Variants in SLC22A7 observed in about 807,000 individuals in gnomAD.
The protein encoded by SLC22A7 is solute carrier family 22 member 7, also known as hOAT2.
In SLC22A7, 48 loss-of-function variants were observed where a neutral mutation model predicts 62.2. That is an observed-to-expected ratio of 0.77 (90% CI 0.61 to 0.98). The LOEUF is 0.98. Ranked by LOEUF, SLC22A7 falls within the 50% of genes least tolerant of loss-of-function variation. The probability of loss-of-function intolerance (pLI) is 0.00; values close to 1 mark genes in which losing one functional copy is unlikely to be tolerated. For synonymous variants in SLC22A7, 276 were observed against 314.8 expected, an observed-to-expected ratio of 0.88 and a Z score of 1.30; for missense variants, 581 against 703.8, an observed-to-expected ratio of 0.83 and a Z score of 1.97.
chr6:43,297,748 C>T (rs888699506), upstream of SLC22A7, among the ~76,000 whole-genome samples: 1 of 152,142 alleles, frequency 6.6e-6, no homozygotes, highest in African/African-American at 2.4e-5. Context: ...ATCAAGTTGC[C>T]CGGTGTGATC....
chr6:43,302,509 T>TC lies in SLC22A7; in HGVS notation c.1276+97dup. 2 of 1,251,720 alleles carry TC rather than the reference T, an allele frequency of 1.6e-6. No homozygotes were observed. Among genetic ancestry groups the TC allele is most frequent in the South Asian group, 2.9e-5 (2 of 68,706 alleles). The allele number at this position is 1,251,720 out of a possible 1,614,324, so 77.5% of individuals were successfully genotyped here. A position where few individuals can be genotyped will look rare whatever the true frequency, so the allele number is the denominator to read the frequency against. On this transcript the variant is annotated intron_variant, in intron 8 of 10. Coordinates refer to ENST00000372585, the MANE Select transcript of SLC22A7 (RefSeq NM_153320.2). The surrounding 1 kb of genome is among the most constrained non-coding windows in gnomAD (Gnocchi z 5.0). ...CCCCACCTCCTGGCCAAGAACCCAC[T>TC]CCTCCCCCAGATCCCTGCTCTTACC...
upstream of SLC22A7, among the ~76,000 whole-genome samples, chr6:43,296,133 G>A (rs1778560675): frequency 6.6e-6 from 1 of 152,208 alleles, no homozygotes. Flanking sequence ...TCAAACTCCT[G>A]ACCTCAGGTG....
chr6:43,302,832 C>A lies in SLC22A7; in HGVS notation c.1385+69C>A. The A allele has an allele frequency of 1.0e-6, 1 of 985,830 alleles. No individual in the cohort carries two copies. Among genetic ancestry groups the A allele is most frequent in the Non-Finnish European group, 1.6e-6 (1 of 638,498 alleles). 61.1% of individuals were successfully genotyped at this position (985,830 alleles called of 1,614,324 possible). ...TCACGTGTCTTAACCAACACTTCTA[C>A]ATACACGCACCACAACCTGGTCTCT... On this transcript the variant is annotated intron_variant, in intron 9 of 10. Transcript: ENST00000372585. The surrounding 1 kb of genome is among the most constrained non-coding windows in gnomAD (Gnocchi z 5.0).
chr6:43,298,074 G>T (rs1162195216), upstream of SLC22A7: 1 of 384,244 alleles, frequency 2.6e-6, no homozygotes, highest in Non-Finnish European at 4.6e-6. Context: ...GGTAGCCTTG[G>T]TCCCTGAACA....
At chr6:43,304,010 G>C (rs201027755) in intron 9 of SLC22A7, 28 bp from the exon 10 acceptor site, 2 of 1,479,164 alleles carry the variant, frequency 1.4e-6, no homozygotes, top group Non-Finnish European at 1.8e-6. Context: ...AACACCATCT[G>C]CCTCCCTCAT....
chr6:43,303,067 C>G, intron 9 of SLC22A7: 1 of 943,578 alleles, frequency 1.1e-6, no homozygotes, highest in Non-Finnish European at 1.3e-6. Context: ...TAATCAGGGC[C>G]CTCTGTGTTT....
In SLC22A7 at chr6:43,299,424, G is replaced by C; in HGVS notation, c.434G>C (p.Arg145Thr). The C allele has an allele frequency of 6.2e-7, 1 of 1,614,176 alleles. No individual in the cohort carries two copies. Among genetic ancestry groups the C allele is most frequent in the Non-Finnish European group, 8.5e-7 (1 of 1,180,028 alleles). Residue 145 changes from arginine to threonine, a missense_variant, in exon 3 of 11, where the codon AGA becomes ACA. Transcript: ENST00000372585. The surrounding 1 kb of genome is among the most constrained non-coding windows in gnomAD (Gnocchi z 4.4). Reference protein sequence around the residue: ...DLVCEQKGLNRAASTFFFAGV... With the variant: ...DLVCEQKGLNTAASTFFFAGV... ...GTGTGTGAGCAGAAAGGTCTGAACA[G>C]AGCTGCGTCCACTTTCTTCTTCGCC... is the stretch of plus-strand genomic sequence containing the variant.
At position 43,299,989 on chromosome 6, in the gene SLC22A7, T is replaced by G. The variant is rs1216305649; in HGVS notation, c.750T>G (p.Val250=). ...WTGGVMLLAL[V]GYLIRDWRWL... is the part of the protein sequence containing the mutation. ...GGGGCGTGATGCTGCTGGCACTGGT[T>G]GGGTACCTGATACGGGACTGGCGAT... The change falls in exon 5 of 11, where the codon GTT becomes GTG. Residue 250 remains valine (V), a synonymous_variant. Coordinates refer to ENST00000372585, the MANE Select transcript of SLC22A7 (RefSeq NM_153320.2). This position sits in a 1 kb window ranked among gnomAD's most constrained non-coding sequence, Gnocchi z 4.4. 1 of 1,614,104 alleles carries G rather than the reference T, an allele frequency of 6.2e-7. No individual in the cohort carries two copies. The highest frequency in any genetic ancestry group is 8.5e-7 in the Non-Finnish European group (1 of 1,180,022).
chr6:43,301,379 G>C (rs1778741071), intron 6 of SLC22A7, 121 bp downstream of exon 6: 6 of 1,441,342 alleles, frequency 4.2e-6, no homozygotes, highest in Non-Finnish European at 5.7e-6. Context: ...CCCCCACAGA[G>C]AGTTCCGAAC....
At position 43,298,763 on chromosome 6, in the gene SLC22A7, CAGAAGTTG is replaced by C. The variant is rs541356605; in HGVS notation, c.393+16_393+23del. The C allele has an allele frequency of 3.7e-3, 5,672 of 1,517,490 alleles. 14 individuals are homozygous for C. Among genetic ancestry groups the C allele is most frequent in the Non-Finnish European group, 4.7e-3 (5,290 of 1,134,172 alleles). The allele number at this position is 1,517,490 out of a possible 1,614,324, so 94.0% of individuals were successfully genotyped here. On this transcript the variant is annotated intron_variant, in intron 1 of 10. Transcript: ENST00000372585. ...CCATTGCAACTGAGGTACTTAAGCC[CAGAAGTTG>C]AGAGACATGTGAGAGGGATGGGCCT...
At chr6:43,298,228 TG>T, upstream of SLC22A7, 2 of 813,588 alleles carry the variant, frequency 2.5e-6, no homozygotes, top group Non-Finnish European at 3.8e-6. Context: ...CCCTGAGGGC[TG>T]GATTCTGGCT....
In SLC22A7 at chr6:43,302,343, G is replaced by A. The variant is rs1022105679; in HGVS notation, c.1205G>A (p.Arg402His). The A allele has an allele frequency of 1.1e-5, 17 of 1,612,880 alleles. No homozygotes were observed. The highest frequency in any genetic ancestry group is 6.7e-5 in the African/African-American group (5 of 74,830). The change falls in exon 8 of 11, where the codon CGC (arginine) becomes CAC (histidine). Residue 402 changes from arginine to histidine, a missense_variant. Physicochemically the swap from Arg to His is conservative, Grantham distance 29. Transcript: ENST00000372585. This position sits in a 1 kb window ranked among gnomAD's most constrained non-coding sequence, Gnocchi z 5.0. ...LVYLSVRYAGRRLTQAGTLLG... is the reference protein window; with the variant it reads ...LVYLSVRYAGHRLTQAGTLLG... Reference sequence around the variant, plus strand: ...TACTTGTCGGTGCGCTACGCAGGACGCCGCCTCACGCAAGCCGGGACACTG... The same window carrying A: ...TACTTGTCGGTGCGCTACGCAGGACACCGCCTCACGCAAGCCGGGACACTG...
In SLC22A7 at chr6:43,299,822, A is replaced by C; in HGVS notation, c.658+41A>C. 6.2e-7 allele frequency: 1 copy of C among 1,614,216 alleles called. No homozygotes were observed. The highest frequency in any genetic ancestry group is 8.5e-7 in the Non-Finnish European group (1 of 1,180,020). On this transcript the variant is annotated intron_variant, in intron 4 of 10. Coordinates refer to ENST00000372585, the MANE Select transcript of SLC22A7 (RefSeq NM_153320.2). The surrounding 1 kb of genome is among the most constrained non-coding windows in gnomAD (Gnocchi z 4.4). ...AACAGGCAGGACCTAGAGGGCTGGA[A>C]GAAGGCAGTTGTCAGAGTGAGGCTG... is the stretch of plus-strand genomic sequence containing the variant.
rs375726560 is a variant in SLC22A7 at position 43,298,379 on chromosome 6, G to A, written c.21G>A (p.Leu7=). 5 of 1,612,616 alleles carry A rather than the reference G, an allele frequency of 3.1e-6. No homozygotes were observed. Among genetic ancestry groups the A allele is most frequent in the Non-Finnish European group, 2.5e-6 (3 of 1,179,176 alleles). The change falls in exon 1 of 11, where the codon CTG becomes CTA. Residue 7 remains leucine, a synonymous_variant. Transcript: ENST00000372585. ...GCAGCATGGGCTTTGAGGAGCTGCT[G>A]GAGCAGGTGGGCGGCTTTGGGCCCT... MGFEEL[L]EQVGGFGPFQ...
chr6:43,303,899 G>C, intron 9 of SLC22A7, 139 bp from the exon 10 acceptor site: 1 of 692,648 alleles, frequency 1.4e-6, no homozygotes, highest in Non-Finnish European at 2.2e-6. Flanking sequence ...AAGACCAACT[G>C]AAAGAAGTCC....
Position 43,302,535 on chromosome 6 carries a change from C to A in SLC22A7, c.1277-120C>A. 8.5e-7 allele frequency: 1 copy of A among 1,173,560 alleles called. No individual in the cohort carries two copies. Among genetic ancestry groups the A allele is most frequent in the Non-Finnish European group, 1.2e-6 (1 of 826,744 alleles). The allele number at this position is 1,173,560 out of a possible 1,614,324, so 72.7% of individuals were successfully genotyped here. On this transcript the variant is annotated intron_variant, in intron 8 of 10. Coordinates refer to ENST00000372585, the MANE Select transcript of SLC22A7 (RefSeq NM_153320.2). The surrounding 1 kb of genome is among the most constrained non-coding windows in gnomAD (Gnocchi z 5.0). ...CCTCCCCCAGATCCCTGCTCTTACC[C>A]AGTGAGCTCAGACTCTCCACCACTT...
At chr6:43,298,977 C>A (rs1778636072) in intron 1 of SLC22A7, 115 bp from the exon 2 acceptor site, 2 of 1,185,702 alleles carry the variant, frequency 1.7e-6, no homozygotes, top group Admixed American at 4.6e-5. Flanking sequence ...GTGATTAAGG[C>A]AGGGAAGGGC....
At chr6:43,301,734 G>C in intron 7 of SLC22A7, 42 bp downstream of exon 7, 1 of 1,443,738 alleles carries the variant, frequency 6.9e-7, no homozygotes, top group Non-Finnish European at 9.6e-7. Context: ...GTGGTGGGAG[G>C]GAGGAGCAAA....
At chr6:43,297,206 C>A (rs1268158846), upstream of SLC22A7, among the ~76,000 whole-genome samples, 3 of 152,170 alleles carry the variant, frequency 2.0e-5, no homozygotes, top group African/African-American at 7.2e-5. Flanking sequence ...ACATCACCAG[C>A]TCAGCAGCTT....
Sources: allele counts gnomAD v4.1 joint callset (sites outside exome capture counted in the v4.1 genomes callset), GRCh38; gene constraint gnomAD v4.1.1; non-coding constraint Gnocchi (gnomAD v3.1); transcripts MANE v1.5; gene names NCBI Gene and HGNC (gene_info 2026-07-23, HGNC 2026-07-21).